Variants in MYO18B observed in about 807,000 individuals in gnomAD.
The protein encoded by MYO18B is myosin XVIIIB.
In MYO18B, 204 loss-of-function variants were observed where a neutral mutation model predicts 273.0. That is an observed-to-expected ratio of 0.75 (90% confidence interval 0.67 to 0.84). The LOEUF is 0.84. Ranked by LOEUF, MYO18B falls within the 40% of genes least tolerant of loss-of-function variation. The probability of loss-of-function intolerance (pLI) is 0.00; values close to 1 mark genes in which losing one functional copy is unlikely to be tolerated. For missense variants in MYO18B, 3,212 were observed against 3,287.6 expected (o/e 0.98, Z 0.56); for synonymous variants, 1,330 against 1,305.7 (o/e 1.02, Z -0.40).
intron 23 of MYO18B, among the ~76,000 whole-genome samples, chr22:25,875,511 C>G (rs6004808): frequency 2.5e-4 from 38 of 152,020 alleles, no homozygotes; most frequent in Middle Eastern, 6.8e-3. Flanking sequence ...CTGGTCCCCC[C>G]CCCAGTGATA....
chr22:26,007,174 C>T (rs1934499970), intron 42 of MYO18B, among the ~76,000 whole-genome samples: 1 of 152,182 alleles, frequency 6.6e-6, no homozygotes, highest in Non-Finnish European at 1.5e-5. Context: ...GAAGGGATTT[C>T]TTGTCTGTCT....
chr22:25,814,612 A>T (rs1476420540), intron 12 of MYO18B, among the ~76,000 whole-genome samples: 1 of 151,958 alleles, frequency 6.6e-6, no homozygotes, highest in Non-Finnish European at 1.5e-5. Flanking sequence ...TTTTTCCTTG[A>T]TTACCAGATA....
At chr22:25,823,431 G>A (rs988615982) in intron 12 of MYO18B, 74 bp from the exon 13 acceptor site, 39 of 1,480,354 alleles carry the variant, frequency 2.6e-5, no homozygotes, top group Middle Eastern at 1.8e-4. Flanking sequence ...GAGATTCTCC[G>A]AGGTCCTCTC....
chr22:25,830,609 A>G (rs2089671116), intron 15 of MYO18B, among the ~76,000 whole-genome samples: 1 of 152,194 alleles, frequency 6.6e-6, no homozygotes, highest in Non-Finnish European at 1.5e-5. Flanking sequence ...CCAGCAGGCT[A>G]GCTTGGGCTG....
At chr22:25,862,283 T>C (rs2090760194) in intron 21 of MYO18B, among the ~76,000 whole-genome samples, 1 of 152,174 alleles carries the variant, frequency 6.6e-6, no homozygotes, top group Admixed American at 6.5e-5. Context: ...CACATCTATA[T>C]ATGTTAAAAA....
Position 26,026,679 on chromosome 22 carries a change from A to T in MYO18B, c.6705A>T (p.Thr2235=), listed in dbSNP as rs1487367243. 19 of 1,613,672 alleles carry T rather than the reference A, an allele frequency of 1.2e-5. No individual in the cohort carries two copies. Among genetic ancestry groups the T allele is most frequent in the Non-Finnish European group, 1.5e-5 (18 of 1,179,854 alleles). ...SSPLASRSTN[T]SPLSREKLPS... ...CCCTGGCTTCTCGGAGTACAAATAC[A>T]TCCCCGCTGTCGAGGGAAAAGCTGC... Residue 2235 remains threonine (T), a synonymous_variant, in exon 43 of 44, where the codon ACA becomes ACT. Transcript: ENST00000335473.
chr22:25,847,735 C>T (rs1052875576), intron 20 of MYO18B, 83 bp downstream of exon 20: 6 of 1,051,614 alleles, frequency 5.7e-6, no homozygotes, highest in East Asian at 2.6e-5. Context: ...GGATGGGAGC[C>T]CCTGCCATGT....
At chr22:26,022,806 C>T (rs558945745) in intron 42 of MYO18B, among the ~76,000 whole-genome samples, 1 of 152,348 alleles carries the variant, frequency 6.6e-6, no homozygotes, top group African/African-American at 2.4e-5. Context: ...GACATCTTGG[C>T]TTCCATGCCT....
chr22:25,904,139 G>A (rs1057465319), intron 31 of MYO18B, among the ~76,000 whole-genome samples: 1 of 152,140 alleles, frequency 6.6e-6, no homozygotes, highest in Non-Finnish European at 1.5e-5. Flanking sequence ...ACCTGCCATC[G>A]TATTAGATAG....
At chr22:25,877,709 C>T (rs899245706) in intron 24 of MYO18B, among the ~76,000 whole-genome samples, 12 of 152,164 alleles carry the variant, frequency 7.9e-5, no homozygotes, top group Admixed American at 3.9e-4. Context: ...CTCAGGTGAT[C>T]CGCCCGCCTC....
At chr22:25,771,545 A>G (rs2086720165) in intron 6 of MYO18B, among the ~76,000 whole-genome samples, 1 of 152,202 alleles carries the variant, frequency 6.6e-6, no homozygotes, top group African/African-American at 2.4e-5. Flanking sequence ...AGGTTCTGTC[A>G]TGCCCTTTCC....
At chr22:26,017,017 T>C (rs1465310205) in intron 42 of MYO18B, among the ~76,000 whole-genome samples, 1 of 151,474 alleles carries the variant, frequency 6.6e-6, no homozygotes, top group East Asian at 1.9e-4. Flanking sequence ...TCTTTTTTAT[T>C]AGGCTAATTT....
At chr22:25,745,505 A>G (rs866763169) in intron 1 of MYO18B, among the ~76,000 whole-genome samples, 17 of 147,580 alleles carry the variant, frequency 1.2e-4, no homozygotes, top group African/African-American at 2.5e-4. Flanking sequence ...ACACACACGC[A>G]CACACATCTC....
At chr22:26,041,274 G>A in the MYO18B span, among the ~76,000 whole-genome samples, 3 of 149,954 alleles carry the variant, frequency 2.0e-5, no homozygotes, top group Non-Finnish European at 4.4e-5. Flanking sequence ...CAGTACTTTG[G>A]GAGGCTAAAG....
In MYO18B at chr22:25,769,039, G is replaced by A; in HGVS notation, c.1123G>A (p.Ala375Thr). 6.2e-7 allele frequency: 1 copy of A among 1,611,972 alleles called. No individual in the cohort carries two copies. Among genetic ancestry groups the A allele is most frequent in the Non-Finnish European group, 8.5e-7 (1 of 1,178,962 alleles). Residue 375 changes from alanine (A) to threonine (T), a missense_variant, in exon 4 of 44, where the codon GCA (alanine) becomes ACA (threonine). By Grantham distance (58) the Ala-to-Thr change is moderately conservative (BLOSUM62 0). Transcript: ENST00000335473. The part of the protein sequence containing the change: ...LGDDLRMGEK[A>T]GELRSTTGKA... Reference sequence around the variant, plus strand: ...GGACGATCTGAGAATGGGGGAGAAAGCAGGTGAGCTTCGGAGCACGACTGG... The same window carrying A: ...GGACGATCTGAGAATGGGGGAGAAAACAGGTGAGCTTCGGAGCACGACTGG...
At chr22:26,011,899 C>A (rs762500999) in intron 42 of MYO18B, among the ~76,000 whole-genome samples, 1 of 152,202 alleles carries the variant, frequency 6.6e-6, no homozygotes, top group African/African-American at 2.4e-5. Flanking sequence ...CGATTTAACA[C>A]AACTGCTTTT....
intron 42 of MYO18B, among the ~76,000 whole-genome samples, chr22:26,008,740 A>G (rs1934642572): frequency 6.6e-6 from 1 of 152,140 alleles, no homozygotes; most frequent in Non-Finnish European, 1.5e-5. Context: ...TCTGGCCGCA[A>G]GTGGTGCCTG....
At chr22:25,820,817 A>G (rs1430282093) in intron 12 of MYO18B, among the ~76,000 whole-genome samples, 3 of 151,958 alleles carry the variant, frequency 2.0e-5, no homozygotes, top group African/African-American at 7.3e-5. Flanking sequence ...CTCTCTCCCT[A>G]TCCGCCCACT....
At chr22:26,041,799 C>T in the MYO18B span, among the ~76,000 whole-genome samples, 1 of 152,156 alleles carries the variant, frequency 6.6e-6, no homozygotes, top group Non-Finnish European at 1.5e-5. Context: ...ATTTAGAAGG[C>T]AGCACCAACA....
Sources: gnomAD v4.1 joint callset for allele counts (sites outside exome capture counted in the v4.1 genomes callset) on GRCh38, gnomAD v4.1.1 for gene constraint, MANE v1.5 for transcripts, NCBI Gene and HGNC (gene_info 2026-07-23, HGNC 2026-07-21) for gene names.